ANAPC10: variants seen among roughly 807,000 people sequenced by gnomAD.
The protein encoded by ANAPC10 is anaphase-promoting complex subunit 10.
In ANAPC10, 12 loss-of-function variants were observed where a neutral mutation model predicts 22.0. That is an observed-to-expected ratio of 0.55 (90% confidence interval 0.35 to 0.88). The LOEUF is 0.88. ANAPC10 is among the 40% of genes least tolerant of loss of function. The probability of loss-of-function intolerance (pLI) is 0.01; values close to 1 mark genes in which losing one functional copy is unlikely to be tolerated. For synonymous variants in ANAPC10, 65 were observed against 69.5 expected, an observed-to-expected ratio of 0.94 and a Z score of 0.32; for missense variants, 188 against 220.9, an observed-to-expected ratio of 0.85 and a Z score of 0.94.
upstream of ANAPC10, chr4:145,098,278 A>G (rs994955942): frequency 6.6e-6 from 1 of 152,276 alleles, no homozygotes; most frequent in East Asian, 1.9e-4. Context: ...CGCGCGCACT[A>G]CGTCCTATGG....
At chr4:145,077,846 C>A (rs1745409323) in intron 3 of ANAPC10, among the ~76,000 whole-genome samples, 1 of 152,114 alleles carries the variant, frequency 6.6e-6, no homozygotes, top group Non-Finnish European at 1.5e-5. Context: ...AAATCCTCAA[C>A]AAACTAGGCA....
At chr4:145,007,980 G>A (rs1298951681) in intron 4 of ANAPC10, among the ~76,000 whole-genome samples, 13 of 151,850 alleles carry the variant, frequency 8.6e-5, no homozygotes, top group African/African-American at 3.1e-4. Flanking sequence ...TCAAATAGAT[G>A]CAATGAAAAA....
chr4:145,028,258 G>A (rs575239782), intron 4 of ANAPC10, among the ~76,000 whole-genome samples: 3 of 152,076 alleles, frequency 2.0e-5, no homozygotes, highest in Non-Finnish European at 4.4e-5. Context: ...AGCTTCCAGC[G>A]AATATAAAGC....
At chr4:144,995,675 T>A in intron 4 of ANAPC10, 72 bp from the exon 5 acceptor site, 1 of 974,756 alleles carries the variant, frequency 1.0e-6, no homozygotes, top group Non-Finnish European at 1.5e-6. Context: ...ATGCATTCTA[T>A]AATAAAATAA....
chr4:144,995,648 A>G (rs1274931588), intron 4 of ANAPC10, 45 bp from the exon 5 acceptor site: 1 of 1,328,262 alleles, frequency 7.5e-7, no homozygotes, highest in Non-Finnish European at 1.1e-6. Context: ...TTCAACAAAT[A>G]TAATTTATAA....
intron 3 of ANAPC10, among the ~76,000 whole-genome samples, chr4:145,069,020 C>A (rs1025212822): frequency 2.6e-5 from 4 of 152,146 alleles, no homozygotes; most frequent in Non-Finnish European, 4.4e-5. Flanking sequence ...ATATATGAGA[C>A]CTTAATGCAT....
At chr4:145,036,268 C>A (rs955409434) in intron 4 of ANAPC10, among the ~76,000 whole-genome samples, 1 of 152,112 alleles carries the variant, frequency 6.6e-6, no homozygotes, top group Non-Finnish European at 1.5e-5. Context: ...AGAGCTAAAT[C>A]CTGATGTGTT....
chr4:145,041,112 T>C (rs1477729995), intron 4 of ANAPC10, among the ~76,000 whole-genome samples: 5 of 152,294 alleles, frequency 3.3e-5, no homozygotes, highest in South Asian at 2.1e-4. Flanking sequence ...CCATAATTCA[T>C]ATATAACAGA....
At chr4:145,078,311 C>A (rs368479547) in intron 3 of ANAPC10, among the ~76,000 whole-genome samples, 2 of 151,738 alleles carry the variant, frequency 1.3e-5, no homozygotes, top group Non-Finnish European at 2.9e-5. Flanking sequence ...GGGAATACAG[C>A]TAACCAAGGA....
rs112130768 is a variant in ANAPC10, at chr4:145,090,156, C to T, written c.115+5829G>A. 2.7e-3 allele frequency among the ~76,000 whole-genome samples: 408 copies of T among 152,226 alleles called. 1 individual carries two copies. The highest frequency in any genetic ancestry group is 9.1e-3 in the African/African-American group (380 of 41,548). On this transcript the variant is annotated intron_variant, in intron 2 of 4. Coordinates refer to ENST00000507656, the MANE Select transcript of ANAPC10 (RefSeq NM_001256706.2). Reference sequence around the variant, plus strand: ...TTGGTACCAGGACCTCTGTGGTTAACGAAATCCACTGATGCACAAGTCCCT... The same window carrying T: ...TTGGTACCAGGACCTCTGTGGTTAATGAAATCCACTGATGCACAAGTCCCT...
chr4:145,007,540 A>G (rs1244310626), intron 4 of ANAPC10, among the ~76,000 whole-genome samples: 1 of 152,204 alleles, frequency 6.6e-6, no homozygotes, highest in Non-Finnish European at 1.5e-5. Context: ...AAACCGCTCA[A>G]CTACAGGGAA....
chr4:145,018,234 C>T (rs527966290), intron 4 of ANAPC10, among the ~76,000 whole-genome samples: 1 of 151,720 alleles, frequency 6.6e-6, no homozygotes, highest in African/African-American at 2.4e-5. Context: ...ATACAGGCAA[C>T]AAATAGCATG....
At chr4:145,086,070 T>C (rs753922075) in intron 2 of ANAPC10, among the ~76,000 whole-genome samples, 5 of 152,022 alleles carry the variant, frequency 3.3e-5, no homozygotes, top group Non-Finnish European at 5.9e-5. Context: ...GAGTGAAGAC[T>C]TGCCTCAGCC....
chr4:145,066,464 G>A (rs1358029939), intron 3 of ANAPC10, among the ~76,000 whole-genome samples: 2 of 151,990 alleles, frequency 1.3e-5, no homozygotes, highest in African/African-American at 2.4e-5. Context: ...CAAAGATCAC[G>A]AAGATGGCTC....
At chr4:145,092,434 C>T (rs1036597528) in intron 2 of ANAPC10, among the ~76,000 whole-genome samples, 1 of 151,882 alleles carries the variant, frequency 6.6e-6, no homozygotes, top group East Asian at 1.9e-4. Context: ...GCCCCCATTC[C>T]CAGGAGAAAA....
intron 2 of ANAPC10, among the ~76,000 whole-genome samples, chr4:145,089,681 A>G (rs1579168488): frequency 6.6e-6 from 1 of 152,192 alleles, no homozygotes; most frequent in East Asian, 1.9e-4. Context: ...TCAAAGATAC[A>G]AAAAGATTTT....
Position 145,036,325 on chromosome 4 carries a change from G to A in ANAPC10, c.327+28247C>T, listed in dbSNP as rs371989149. Among the ~76,000 whole-genome samples, 8 of 152,270 alleles carry A rather than the reference G, an allele frequency of 5.3e-5. No individual in the cohort carries two copies. The East Asian group carries it at 7.7e-4, about 15-fold the overall frequency. On this transcript the variant is annotated intron_variant, in intron 4 of 4. Coordinates refer to ENST00000507656, the MANE Select transcript of ANAPC10 (RefSeq NM_001256706.2). ...CAGCTTTAAATATAGATACGTACAC[G>A]TTATTTAGAATTGTACACATCTAAT... is the stretch of plus-strand genomic sequence containing the variant.
chr4:145,098,538 G>A (rs1183946170), upstream of ANAPC10: 1 of 152,348 alleles, frequency 6.6e-6, no homozygotes, highest in African/African-American at 2.4e-5. Context: ...CAGCAGCAGC[G>A]CGTGGCAGCG....
intron 4 of ANAPC10, 137 bp downstream of exon 4, chr4:145,064,435 C>T (rs1382663238): frequency 1.7e-6 from 1 of 605,756 alleles, no homozygotes; most frequent in Non-Finnish European, 2.5e-6. Context: ...AAAAATTTTA[C>T]ACTCAAACAT....
Sources: allele counts gnomAD v4.1 joint callset (sites outside exome capture counted in the v4.1 genomes callset), GRCh38; gene constraint gnomAD v4.1.1; transcripts MANE v1.5; gene names NCBI Gene and HGNC (gene_info 2026-07-23, HGNC 2026-07-21).